Variants in CAMKK2 observed in about 807,000 individuals in gnomAD.
CAMKK2 encodes the protein calcium/calmodulin-dependent protein kinase kinase 2.
In CAMKK2, 30 loss-of-function variants were observed where a neutral mutation model predicts 67.2. That is an observed-to-expected ratio of 0.45 (90% CI 0.33 to 0.61). CAMKK2 has a LOEUF of 0.61. Ranked by LOEUF, CAMKK2 falls within the 20% of genes least tolerant of loss-of-function variation. CAMKK2 has a pLI of 0.02. For synonymous variants in CAMKK2, 322 were observed against 326.2 expected (o/e 0.99, Z 0.14); for missense variants, 643 against 802.0 (o/e 0.80, Z 2.39).
intron 1 of CAMKK2, among the ~76,000 whole-genome samples, chr12:121,283,584 G>C (rs1898188129): frequency 6.6e-6 from 1 of 152,282 alleles, no homozygotes; most frequent in South Asian, 2.1e-4. Context: ...GGAGACCGAG[G>C]TGGGAGGATG....
At chr12:121,280,696 CG>C (rs1317258319) in intron 1 of CAMKK2, among the ~76,000 whole-genome samples, 1 of 152,062 alleles carries the variant, frequency 6.6e-6, no homozygotes, top group Non-Finnish European at 1.5e-5. Context: ...CTCTTATGGT[CG>C]AGATTGCAGA....
chr12:121,248,564 C>T, intron 14 of CAMKK2, 42 bp downstream of exon 14: 2 of 1,612,702 alleles, frequency 1.2e-6, no homozygotes, highest in Non-Finnish European at 1.7e-6. Flanking sequence ...CCACCTCAGG[C>T]TCCTGGGTCC....
intron 16 of CAMKK2, 45 bp downstream of exon 16, chr12:121,244,528 C>T: frequency 6.5e-7 from 1 of 1,541,854 alleles, no homozygotes; most frequent in Non-Finnish European, 8.8e-7. Context: ...CACCCGCCCC[C>T]CTCAGGCCCC....
intron 9 of CAMKK2, 97 bp downstream of exon 9, chr12:121,255,453 G>T: frequency 2.1e-6 from 2 of 952,962 alleles, no homozygotes; most frequent in Non-Finnish European, 1.6e-6. Context: ...CCACCTCCCT[G>T]TGCTCCAGGA....
chr12:121,250,177 T>C (rs1890384278), intron 11 of CAMKK2, 143 bp from the exon 12 acceptor site: 1 of 692,266 alleles, frequency 1.4e-6, no homozygotes, highest in Non-Finnish European at 2.5e-6. Flanking sequence ...CAGTTCCCAT[T>C]CTCCCCGAGA....
chr12:121,247,995 C>A (rs1188076444), intron 14 of CAMKK2, among the ~76,000 whole-genome samples: 1 of 152,190 alleles, frequency 6.6e-6, no homozygotes, highest in African/African-American at 2.4e-5. Flanking sequence ...TTGGAGCTAA[C>A]TGCCCTCCTG....
At chr12:121,246,178 A>C (rs139302397) in intron 14 of CAMKK2, among the ~76,000 whole-genome samples, 33 of 149,866 alleles carry the variant, frequency 2.2e-4, no homozygotes, top group African/African-American at 3.4e-4. Context: ...TGTCACTGTG[A>C]ATGTCCCAAA....
chr12:121,240,410 A>C lies in CAMKK2; in HGVS notation c.*289T>G. On this transcript the variant is annotated 3_prime_UTR_variant, in exon 17 of 17. Transcript: ENST00000404169. The surrounding 1 kb of genome is among the most constrained non-coding windows in gnomAD (Gnocchi z 4.4). Reference sequence around the variant, plus strand: ...AATCACAATGAAGGATTTTTGGCATAAAAACGTTTTAAAAAGCAATTGTCC... The same window carrying C: ...AATCACAATGAAGGATTTTTGGCATCAAAACGTTTTAAAAAGCAATTGTCC... 6.6e-7 allele frequency: 1 copy of C among 1,508,170 alleles called. No individual in the cohort carries two copies. The highest frequency in any genetic ancestry group is 8.8e-7 in the Non-Finnish European group (1 of 1,130,488). The allele number at this position is 1,508,170 out of a possible 1,614,324, so 93.4% of individuals were successfully genotyped here.
At chr12:121,271,092 T>C (rs1048118279) in intron 2 of CAMKK2, 147 bp from the exon 3 acceptor site, 6 of 650,080 alleles carry the variant, frequency 9.2e-6, no homozygotes, top group African/African-American at 7.3e-5. Flanking sequence ...CTGGCCAACA[T>C]GGTGAAATCC....
At chr12:121,250,918 T>G (rs1038658608) in intron 11 of CAMKK2, among the ~76,000 whole-genome samples, 2 of 152,236 alleles carry the variant, frequency 1.3e-5, no homozygotes. Flanking sequence ...AAATAATGTG[T>G]CCCAGGAAGT....
intron 16 of CAMKK2, chr12:121,243,935 C>A: frequency 6.9e-7 from 1 of 1,438,904 alleles, no homozygotes; most frequent in Admixed American, 2.6e-5. Context: ...ACAGCACCTG[C>A]AGCAGGGGTG....
intron 1 of CAMKK2, among the ~76,000 whole-genome samples, chr12:121,277,727 G>C (rs138538554): frequency 6.6e-6 from 1 of 152,184 alleles, no homozygotes; most frequent in Admixed American, 6.5e-5. Context: ...AACACCTTGG[G>C]AGGCCAAGGC....
chr12:121,281,554 G>T (rs1184050686), intron 1 of CAMKK2, among the ~76,000 whole-genome samples: 1 of 152,228 alleles, frequency 6.6e-6, no homozygotes, highest in Admixed American at 6.5e-5. Context: ...CTTACATGTA[G>T]TAATTATAAA....
intron 7 of CAMKK2, among the ~76,000 whole-genome samples, chr12:121,257,433 A>G (rs1244102194): frequency 2.6e-5 from 4 of 152,178 alleles, no homozygotes; most frequent in Admixed American, 6.5e-5. Flanking sequence ...TTTTTAGTAA[A>G]GATGGGGTTT....
intron 1 of CAMKK2, among the ~76,000 whole-genome samples, chr12:121,278,667 G>A (rs1897220507): frequency 1.3e-5 from 2 of 152,218 alleles, no homozygotes; most frequent in Non-Finnish European, 2.9e-5. Flanking sequence ...GTCCATGTAA[G>A]ACCGGACTTG....
Position 121,295,646 on chromosome 12 carries a change from G to A in CAMKK2, c.-60+992C>T, listed in dbSNP as rs188818879. 1.4e-4 allele frequency among the ~76,000 whole-genome samples: 22 copies of A among 152,312 alleles called. No individual in the cohort carries two copies. The Middle Eastern group carries it at 0.01, about 71-fold the overall frequency. ...GCGTGGAGACTCCAAACACCAGGCT[G>A]GGGAAGGTAAAAGTAGCCTGTAGGG... On this transcript the variant is annotated intron_variant, in intron 1 of 16. Transcript: ENST00000404169.
chr12:121,268,592 C>T (rs758947380), intron 5 of CAMKK2, 46 bp downstream of exon 5: 9 of 1,586,802 alleles, frequency 5.7e-6, no homozygotes, highest in Non-Finnish European at 6.9e-6. Context: ...TCTGCCCTGT[C>T]TTGTCCCAGC....
chr12:121,290,584 G>A (rs970321935), intron 1 of CAMKK2, among the ~76,000 whole-genome samples: 1 of 152,138 alleles, frequency 6.6e-6, no homozygotes, highest in African/African-American at 2.4e-5. Context: ...CAGCTACTCA[G>A]GAGGCTGAGG....
At chr12:121,297,387 C>G (rs1358287846), upstream of CAMKK2, 2 of 346,996 alleles carry the variant, frequency 5.8e-6, no homozygotes, top group Non-Finnish European at 1.2e-5. Flanking sequence ...TGCTCAGGGC[C>G]GGCCCTAAAG....
Sources: gnomAD v4.1 joint callset for allele counts (sites outside exome capture counted in the v4.1 genomes callset) on GRCh38, gnomAD v4.1.1 for gene constraint, Gnocchi (gnomAD v3.1) non-coding constraint, MANE v1.5 for transcripts, NCBI Gene and HGNC (gene_info 2026-07-23, HGNC 2026-07-21) for gene names.